The following CCAR1 variants were observed in gnomAD, a reference collection of about 807,000 sequenced individuals.
CCAR1 encodes cell division cycle and apoptosis regulator 1.
A neutral mutation model predicts 163.8 loss-of-function variants in CCAR1; 78 were observed. The observed-to-expected ratio is 0.48, with a 90% CI of 0.40 to 0.57. CCAR1 has a LOEUF of 0.57. CCAR1 is among the 20% of genes least tolerant of loss of function. The pLI is 0.00. For missense variants in CCAR1, 1,019 were observed against 1,365.2 expected, an observed-to-expected ratio of 0.75 and a Z score of 4.00; for synonymous variants, 443 against 460.7, an observed-to-expected ratio of 0.96 and a Z score of 0.49.
intron 2 of CCAR1, among the ~76,000 whole-genome samples, chr10:68,722,935 A>G (rs1185013770): frequency 6.6e-6 from 1 of 151,942 alleles, no homozygotes; most frequent in African/African-American, 2.4e-5. Flanking sequence ...AAAACAAAAC[A>G]AAACAACATG....
chr10:68,781,501 A>G (rs1305208317), intron 19 of CCAR1, among the ~76,000 whole-genome samples: 2 of 152,086 alleles, frequency 1.3e-5, no homozygotes, highest in Non-Finnish European at 2.9e-5. Flanking sequence ...AGATCATGCC[A>G]TACGCTCCAG....
At chr10:68,773,657 C>A (rs2056628988) in intron 19 of CCAR1, among the ~76,000 whole-genome samples, 1 of 150,750 alleles carries the variant, frequency 6.6e-6, no homozygotes, top group Non-Finnish European at 1.5e-5. Flanking sequence ...TAGAGTGAGA[C>A]CCTGTCTCAA....
intron 4 of CCAR1, among the ~76,000 whole-genome samples, chr10:68,740,006 A>G (rs1033783567): frequency 6.6e-6 from 1 of 152,230 alleles, no homozygotes; most frequent in African/African-American, 2.4e-5. Context: ...ACATCAGAGT[A>G]TGTGGTCCTT....
chr10:68,787,045 A>G lies in CCAR1; in HGVS notation c.2880+353A>G, dbSNP rs569585020. ...GGTTGCAATGAGCCAAGATCACGCC[A>G]CTGCACTCCAGCCTGGGTGACAGAG... On this transcript the variant is annotated intron_variant, in intron 21 of 24. Coordinates refer to ENST00000265872, the MANE Select transcript of CCAR1 (RefSeq NM_018237.4). 6 of 183,996 alleles carry G rather than the reference A, an allele frequency of 3.3e-5. No individual in the cohort carries two copies. In the South Asian group the frequency reaches 6.5e-4, roughly 20 times the overall value. The allele number at this position is 183,996 out of a possible 1,614,324, so 11.4% of individuals were successfully genotyped here. A position where few individuals can be genotyped will look rare whatever the true frequency, so the allele number is the denominator to read the frequency against.
At chr10:68,722,258 T>C (rs892221550) in intron 1 of CCAR1, among the ~76,000 whole-genome samples, 197 bp from the exon 2 acceptor site, 16 of 152,198 alleles carry the variant, frequency 1.1e-4, no homozygotes, top group African/African-American at 3.9e-4. Flanking sequence ...TAGGGCATTT[T>C]TGGTGATCTA....
chr10:68,776,976 A>C (rs903113571), intron 19 of CCAR1, among the ~76,000 whole-genome samples: 1 of 152,212 alleles, frequency 6.6e-6, no homozygotes, highest in East Asian at 1.9e-4. Flanking sequence ...CCTTCACCAG[A>C]AAGAAAACAT....
chr10:68,739,895 C>G (rs1194966958), intron 4 of CCAR1, among the ~76,000 whole-genome samples: 1 of 152,156 alleles, frequency 6.6e-6, no homozygotes, highest in Non-Finnish European at 1.5e-5. Context: ...TTTACCTTAG[C>G]CTAAGTCAAA....
intron 10 of CCAR1, among the ~76,000 whole-genome samples, chr10:68,752,378 A>G (rs1178740591): frequency 6.6e-6 from 1 of 152,204 alleles, no homozygotes; most frequent in Non-Finnish European, 1.5e-5. Context: ...TGCCCATGAA[A>G]TGATTTATTT....
At chr10:68,725,106 C>A (rs1256652160) in intron 2 of CCAR1, among the ~76,000 whole-genome samples, 2 of 151,810 alleles carry the variant, frequency 1.3e-5, no homozygotes, top group Non-Finnish European at 2.9e-5. Flanking sequence ...TGCGCCATTG[C>A]GCTCTAGCCT....
rs7086117 is a variant in CCAR1 at position 68,727,396 on chromosome 10, A to G, written c.73+4819A>G. 2.8e-3 allele frequency among the ~76,000 whole-genome samples: 421 copies of G among 152,250 alleles called. 3 individuals are homozygous for G. The highest frequency in any genetic ancestry group is 9.5e-3 in the African/African-American group (393 of 41,558). ...CTAAGAGATGAGGAAATTGAGGCCA[A>G]GGACGGTGAAAAAAATTTGTTTACG... On this transcript the variant is annotated intron_variant, in intron 2 of 24. Transcript: ENST00000265872.
rs1387576138 is a variant in CCAR1, at chr10:68,757,453, C to T, written c.1920+76C>T. The T allele has an allele frequency of 2.2e-5, 18 of 800,960 alleles. No individual in the cohort carries two copies. The East Asian group carries it at 3.7e-4, about 17-fold the overall frequency. The allele number at this position is 800,960 out of a possible 1,614,324, so 49.6% of individuals were successfully genotyped here. On this transcript the variant is annotated intron_variant, in intron 15 of 24. Transcript: ENST00000265872. Reference sequence around the variant, plus strand: ...TTTCTGAGATGGAGTCTCGCTCTGTCGCCCAGGCTGGAGTGTAGTGGCGCG... The same window carrying T: ...TTTCTGAGATGGAGTCTCGCTCTGTTGCCCAGGCTGGAGTGTAGTGGCGCG...
intron 19 of CCAR1, among the ~76,000 whole-genome samples, chr10:68,784,282 C>T (rs1363692821): frequency 1.3e-5 from 2 of 152,062 alleles, no homozygotes; most frequent in Non-Finnish European, 2.9e-5. Context: ...GTGCCGTGAT[C>T]TCGGCTCACT....
chr10:68,755,016 C>T (rs1038787641), intron 12 of CCAR1, among the ~76,000 whole-genome samples, 189 bp downstream of exon 12: 17 of 152,106 alleles, frequency 1.1e-4, no homozygotes, highest in Admixed American at 5.9e-4. Flanking sequence ...CTTATTTGTA[C>T]GCTACTAGTT....
intron 10 of CCAR1, 126 bp from the exon 11 acceptor site, chr10:68,753,726 A>G (rs2056366007): frequency 1.5e-6 from 1 of 674,636 alleles, no homozygotes; most frequent in African/African-American, 1.8e-5. Context: ...ATAGCTCATT[A>G]GTAACTGACT....
At chr10:68,789,597 CA>C in intron 23 of CCAR1, 112 bp from the exon 24 acceptor site, 1 of 641,954 alleles carries the variant, frequency 1.6e-6, no homozygotes, top group East Asian at 2.8e-5. Flanking sequence ...CAGACATTGC[CA>C]TTTTATGGAA....
chr10:68,787,588 C>G (rs2056809623), intron 21 of CCAR1, among the ~76,000 whole-genome samples: 1 of 152,082 alleles, frequency 6.6e-6, no homozygotes, highest in Admixed American at 6.6e-5. Flanking sequence ...GTAATCCCAG[C>G]ACTTTGGGAG....
intron 19 of CCAR1, among the ~76,000 whole-genome samples, chr10:68,780,466 G>A (rs1192795174): frequency 6.6e-6 from 1 of 152,162 alleles, no homozygotes; most frequent in African/African-American, 2.4e-5. Context: ...GCGATGTGAT[G>A]ACAGGTATGA....
intron 16 of CCAR1, among the ~76,000 whole-genome samples, chr10:68,761,545 TTCGC>T (rs1321905328): frequency 2.0e-5 from 3 of 152,064 alleles, no homozygotes; most frequent in Non-Finnish European, 4.4e-5. Context: ...GACCTTGTGA[TTCGC>T]CTGCCTCAGC....
At chr10:68,731,530 C>G (rs2056037888) in intron 2 of CCAR1, among the ~76,000 whole-genome samples, 1 of 150,070 alleles carries the variant, frequency 6.7e-6, no homozygotes, top group Admixed American at 6.7e-5. Flanking sequence ...TGTAAATTAT[C>G]TTCCTATCAA....
Sources: allele counts gnomAD v4.1 joint callset (sites outside exome capture counted in the v4.1 genomes callset), GRCh38; gene constraint gnomAD v4.1.1; transcripts MANE v1.5; gene names NCBI Gene and HGNC (gene_info 2026-07-23, HGNC 2026-07-21).